ZNF341: variants seen among roughly 807,000 people sequenced by gnomAD.
ZNF341 encodes the protein zinc finger protein 341.
A neutral mutation model predicts 87.7 loss-of-function variants in ZNF341; 52 were observed. The observed-to-expected ratio is 0.59, with a 90% confidence interval of 0.47 to 0.75. ZNF341 has a LOEUF of 0.75. Among genes scored for constraint, ZNF341 ranks in the 30% least tolerant of loss-of-function variants. ZNF341 has a pLI of 0.00. For missense variants in ZNF341, 977 were observed against 1,145.9 expected, an observed-to-expected ratio of 0.85 and a Z score of 2.13; for synonymous variants, 459 against 472.7, an observed-to-expected ratio of 0.97 and a Z score of 0.38.
rs201316013 is a variant in ZNF341, at chr20:33,781,421, G to A, written c.1719+34G>A. ...CACTGTCCTCTTTTCTGGGGCCTAGGCTATAATAAGGGCAAGGAGGTGGGG... is the reference window on the plus strand; with the variant it reads ...CACTGTCCTCTTTTCTGGGGCCTAGACTATAATAAGGGCAAGGAGGTGGGG... On this transcript the variant is annotated intron_variant, in intron 11 of 14. Transcript: ENST00000375200. 80 of 1,594,560 alleles carry A rather than the reference G, an allele frequency of 5.0e-5. No individual in the cohort carries two copies. In the Middle Eastern group the frequency reaches 1.2e-3, roughly 23 times the overall value.
At position 33,788,850 on chromosome 20, in the gene ZNF341, G is replaced by A. The variant is rs760434510; in HGVS notation, c.1853-13G>A. The A allele has an allele frequency of 3.1e-6, 5 of 1,612,180 alleles. No homozygotes were observed. The East Asian group carries it at 1.1e-4, about 36-fold the overall frequency. The stretch of plus-strand genomic sequence containing the variant: ...TGGTGAGTGCTGGCTCTCCCTGTCT[G>A]TGTCTGCTGCAGGTGAGAAGCCCTA... On this transcript the variant is annotated splice_polypyrimidine_tract_variant and intron_variant, in intron 12 of 14. Coordinates refer to ENST00000375200, the MANE Select transcript of ZNF341 (RefSeq NM_001282933.2).
chr20:33,777,890 G>A (rs1338473822), intron 10 of ZNF341, among the ~76,000 whole-genome samples: 1 of 152,126 alleles, frequency 6.6e-6, no homozygotes, highest in African/African-American at 2.4e-5. Flanking sequence ...TTTCTGAAGA[G>A]TATAGACAGG....
chr20:33,741,047 G>A (rs1192317187), intron 2 of ZNF341, 35 bp downstream of exon 2: 1 of 1,579,854 alleles, frequency 6.3e-7, no homozygotes, highest in Non-Finnish European at 8.7e-7. Context: ...GTGGGAGAGT[G>A]AATGGCTCCC....
At chr20:33,752,909 A>T (rs980632894) in intron 4 of ZNF341, among the ~76,000 whole-genome samples, 3 of 118,656 alleles carry the variant, frequency 2.5e-5, no homozygotes, top group Admixed American at 2.3e-4. Flanking sequence ...TCAGCTCCCA[A>T]AGTGTTGGGA....
At chr20:33,774,957 CA>C in intron 10 of ZNF341, among the ~76,000 whole-genome samples, 1 of 152,248 alleles carries the variant, frequency 6.6e-6, no homozygotes. Context: ...CGGGGAAAAA[CA>C]AAAACATCAG....
chr20:33,737,200 C>G (rs1199315279), intron 1 of ZNF341, among the ~76,000 whole-genome samples: 1 of 152,150 alleles, frequency 6.6e-6, no homozygotes, highest in Non-Finnish European at 1.5e-5. Flanking sequence ...GGAATTGCGA[C>G]AGAGAAAAAG....
At chr20:33,737,155 C>T (rs1461579576) in intron 1 of ZNF341, among the ~76,000 whole-genome samples, 3 of 152,112 alleles carry the variant, frequency 2.0e-5, no homozygotes, top group African/African-American at 4.8e-5. Context: ...TTCATTTTGC[C>T]TGCTGCCCAG....
At chr20:33,749,220 G>T in intron 4 of ZNF341, 148 bp downstream of exon 4, 1 of 1,175,898 alleles carries the variant, frequency 8.5e-7, no homozygotes. Flanking sequence ...GTCCAGCTCT[G>T]CTATAGATGG....
intron 12 of ZNF341, among the ~76,000 whole-genome samples, chr20:33,786,797 G>A (rs1244563928): frequency 2.0e-5 from 3 of 150,584 alleles, no homozygotes; most frequent in Admixed American, 6.7e-5. Context: ...ATGAAACCCC[G>A]TCTCTACTAA....
At chr20:33,777,143 G>C (rs1250315671) in intron 10 of ZNF341, among the ~76,000 whole-genome samples, 1 of 103,786 alleles carries the variant, frequency 9.6e-6, no homozygotes, top group Admixed American at 1.3e-4. Context: ...GCAAAACCCC[G>C]TCTTTACCAA....
In ZNF341 at chr20:33,732,049, G is replaced by C. The variant is rs1183071176; in HGVS notation, c.28G>C (p.Glu10Gln). ...GGCGCAGGCGATCTTTGAGGCCCTGGAGGGTGAGCGGCGGCGGGGCCGGCG... is the reference window on the plus strand; with the variant it reads ...GGCGCAGGCGATCTTTGAGGCCCTGCAGGGTGAGCGGCGGCGGGGCCGGCG... MAQAIFEAL[E>Q]GMDNQTVLAV... The change falls in exon 1 of 15, where the codon GAG becomes CAG. Residue 10 changes from glutamate (E) to glutamine (Q), a missense_variant. By Grantham distance (29) the Glu-to-Gln change is conservative (BLOSUM62 2). Coordinates refer to ENST00000375200, the MANE Select transcript of ZNF341 (RefSeq NM_001282933.2). The surrounding 1 kb of genome is among the most constrained non-coding windows in gnomAD (Gnocchi z 4.5). 1 of 1,306,074 alleles carries C rather than the reference G, an allele frequency of 7.7e-7. No individual in the cohort carries two copies. Among genetic ancestry groups the C allele is most frequent in the East Asian group, 3.1e-5 (1 of 32,044 alleles). 80.9% of individuals were successfully genotyped at this position (1,306,074 alleles called of 1,614,324 possible).
At chr20:33,790,560 A>G (rs2019987268) in intron 14 of ZNF341, among the ~76,000 whole-genome samples, 1 of 152,152 alleles carries the variant, frequency 6.6e-6, no homozygotes, top group South Asian at 2.1e-4. Flanking sequence ...GGTTTACAGA[A>G]AGGAGTCAGT....
In ZNF341 at chr20:33,783,653, G is replaced by A. The variant is rs370802580; in HGVS notation, c.1720-79G>A. ...AGGTGTCTCTATAGGGGCTGGAAAC[G>A]AGGAACCTTTGAGTTCAGAAGATGG... On this transcript the variant is annotated intron_variant, in intron 11 of 14. Coordinates refer to ENST00000375200, the MANE Select transcript of ZNF341 (RefSeq NM_001282933.2). 1.6e-5 allele frequency: 26 copies of A among 1,602,162 alleles called. No homozygotes were observed. The Admixed American group carries it at 2.2e-4, about 13-fold the overall frequency.
chr20:33,750,468 T>A (rs6059451), intron 4 of ZNF341, among the ~76,000 whole-genome samples: 1 of 152,040 alleles, frequency 6.6e-6, no homozygotes, highest in Admixed American at 6.6e-5. Context: ...ATCAGCATCA[T>A]GTTTTTATTT....
At chr20:33,765,242 A>G (rs2019380586) in intron 8 of ZNF341, among the ~76,000 whole-genome samples, 1 of 152,168 alleles carries the variant, frequency 6.6e-6, no homozygotes, top group African/African-American at 2.4e-5. Flanking sequence ...TGCCAGGCAC[A>G]TGCTAGGTAA....
chr20:33,751,802 C>T (rs1165340894), intron 4 of ZNF341, among the ~76,000 whole-genome samples: 1 of 152,060 alleles, frequency 6.6e-6, no homozygotes, highest in Admixed American at 6.6e-5. Flanking sequence ...GTCTCAAACT[C>T]CTGGACTCCA....
rs186635468 is a variant in ZNF341, at chr20:33,788,846, G to C, written c.1853-17G>C. ...CTCCTGGTGAGTGCTGGCTCTCCCT[G>C]TCTGTGTCTGCTGCAGGTGAGAAGC... On this transcript the variant is annotated splice_polypyrimidine_tract_variant and intron_variant, in intron 12 of 14. Coordinates refer to ENST00000375200, the MANE Select transcript of ZNF341 (RefSeq NM_001282933.2). 3.7e-6 allele frequency: 6 copies of C among 1,610,786 alleles called. No individual in the cohort carries two copies. The highest frequency in any genetic ancestry group is 5.1e-6 in the Non-Finnish European group (6 of 1,177,350).
Position 33,748,901 on chromosome 20 carries a change from TTCTC to T in ZNF341, c.340-15_340-12del. ...ACTCTGTCTCTCTCCGTCTCACTCA[TTCTC>T]TCTCTCCCACTGTCCAGATCTCCAC... On this transcript the variant is annotated intron_variant, in intron 3 of 14. Transcript: ENST00000375200. 1 of 1,598,892 alleles carries T rather than the reference TTCTC, an allele frequency of 6.3e-7. No homozygotes were observed. Among genetic ancestry groups the T allele is most frequent in the Non-Finnish European group, 8.6e-7 (1 of 1,168,420 alleles).
At chr20:33,752,343 G>T in intron 4 of ZNF341, 1 of 623,872 alleles carries the variant, frequency 1.6e-6, no homozygotes. Flanking sequence ...GCTTTGTTGA[G>T]GCTGGTATCA....
Sources: allele counts gnomAD v4.1 joint callset (sites outside exome capture counted in the v4.1 genomes callset), GRCh38; gene constraint gnomAD v4.1.1; non-coding constraint Gnocchi (gnomAD v3.1); transcripts MANE v1.5; gene names NCBI Gene and HGNC (gene_info 2026-07-23, HGNC 2026-07-21).